The following GPA33 variants were observed in gnomAD, a reference collection of about 807,000 sequenced individuals.
The protein encoded by GPA33 is cell surface A33 antigen.
GPA33 carries 27 observed loss-of-function variants against 35.6 expected under a neutral mutation model. The observed-to-expected ratio is 0.76, with a 90% confidence interval of 0.56 to 1.04. The LOEUF (loss-of-function observed/expected upper bound fraction) is 1.04. GPA33 is among the 50% of genes least tolerant of loss of function. GPA33 has a pLI of 0.00. For synonymous variants in GPA33, 176 were observed against 164.0 expected (o/e 1.07, Z -0.56); for missense variants, 428 against 411.9 (o/e 1.04, Z -0.34).
intron 1 of GPA33, among the ~76,000 whole-genome samples, chr1:167,080,989 G>A (rs1046151101): frequency 3.9e-5 from 6 of 152,174 alleles, no homozygotes; most frequent in Admixed American, 3.3e-4. Context: ...GACCAAAGGA[G>A]CCCCAGAGAT....
intron 1 of GPA33, among the ~76,000 whole-genome samples, chr1:167,073,760 G>A (rs551509161): frequency 6.6e-6 from 1 of 152,246 alleles, no homozygotes; most frequent in South Asian, 2.1e-4. Flanking sequence ...CCACCCCACA[G>A]CATGATGAAT....
At position 167,062,849 on chromosome 1, in the gene GPA33, C is replaced by A. The variant is rs1237597087; in HGVS notation, c.571+733G>T. ...CTGGGGCAGCGGGGGTCCGTGACGG[C>A]TGAGAGGGACCGGCCTGGATAAGGA... is the stretch of plus-strand genomic sequence containing the variant. On this transcript the variant is annotated intron_variant, in intron 4 of 6. Coordinates refer to ENST00000367868, the MANE Select transcript of GPA33 (RefSeq NM_005814.3). Among the ~76,000 whole-genome samples, 3 of 151,918 alleles carry A rather than the reference C, an allele frequency of 2.0e-5. No individual in the cohort carries two copies. The East Asian group carries it at 5.8e-4, about 30-fold the overall frequency.
intron 3 of GPA33, among the ~76,000 whole-genome samples, chr1:167,067,614 C>T (rs1343075877): frequency 1.3e-5 from 2 of 151,954 alleles, no homozygotes; most frequent in Non-Finnish European, 2.9e-5. Flanking sequence ...TACATATGTA[C>T]GTGTGTGTAT....
At chr1:167,060,934 C>T (rs1359949308) in intron 4 of GPA33, among the ~76,000 whole-genome samples, 2 of 152,250 alleles carry the variant, frequency 1.3e-5, no homozygotes, top group African/African-American at 4.8e-5. Context: ...GCCTCCTCAT[C>T]CTTGAGGACC....
intron 3 of GPA33, among the ~76,000 whole-genome samples, chr1:167,064,780 A>T (rs2102180570): frequency 6.6e-6 from 1 of 152,284 alleles, no homozygotes; most frequent in East Asian, 1.9e-4. Flanking sequence ...TGCTTTGCAG[A>T]TAACGTGCAG....
intron 3 of GPA33, among the ~76,000 whole-genome samples, chr1:167,065,606 C>T (rs1307700480): frequency 6.6e-6 from 1 of 152,146 alleles, no homozygotes; most frequent in African/African-American, 2.4e-5. Flanking sequence ...ATTCTGATCT[C>T]GGCCCCACCC....
intron 2 of GPA33, among the ~76,000 whole-genome samples, chr1:167,070,932 G>C (rs892588953): frequency 2.0e-5 from 3 of 152,132 alleles, no homozygotes; most frequent in Non-Finnish European, 2.9e-5. Flanking sequence ...CACAAAGGAA[G>C]GGAATGTTTT....
At chr1:167,088,249 G>A (rs1291639205) in intron 1 of GPA33, among the ~76,000 whole-genome samples, 6 of 152,190 alleles carry the variant, frequency 3.9e-5, no homozygotes, top group Non-Finnish European at 7.3e-5. Context: ...TCCCTTACCT[G>A]CGCAAAGGAA....
intron 1 of GPA33, among the ~76,000 whole-genome samples, chr1:167,087,229 A>G (rs6427058): frequency 0.39 from 58,936 of 151,866 alleles, 12,044 homozygotes; most frequent in East Asian, 0.72. Context: ...GCTCTCGGAT[A>G]ATTGGTCACC....
intron 1 of GPA33, among the ~76,000 whole-genome samples, chr1:167,085,984 C>G (rs1006873642): frequency 1.3e-5 from 2 of 152,234 alleles, no homozygotes; most frequent in Non-Finnish European, 2.9e-5. Context: ...CCAGGTGACT[C>G]TGATGGGCAA....
At chr1:167,069,818 G>A (rs1326147114) in intron 2 of GPA33, among the ~76,000 whole-genome samples, 1 of 152,242 alleles carries the variant, frequency 6.6e-6, no homozygotes, top group African/African-American at 2.4e-5. Flanking sequence ...GAGAATTACA[G>A]TAGTAATATA....
chr1:167,074,402 C>G (rs1419049592), intron 1 of GPA33, among the ~76,000 whole-genome samples: 1 of 152,010 alleles, frequency 6.6e-6, no homozygotes, highest in East Asian at 1.9e-4. Flanking sequence ...GTTTGGGACA[C>G]CAACTGAGGT....
chr1:167,088,391 C>T (rs1667095501), intron 1 of GPA33, among the ~76,000 whole-genome samples: 1 of 152,156 alleles, frequency 6.6e-6, no homozygotes, highest in African/African-American at 2.4e-5. Context: ...GTTTATATAC[C>T]TCAAGTCGAC....
At chr1:167,072,364 C>T (rs914403919) in intron 2 of GPA33, among the ~76,000 whole-genome samples, 1 of 151,998 alleles carries the variant, frequency 6.6e-6, no homozygotes, top group African/African-American at 2.4e-5. Flanking sequence ...GATGTTTTTT[C>T]GCTTATCAGA....
chr1:167,090,235 G>A lies in GPA33; in HGVS notation c.43+10C>T. On this transcript the variant is annotated intron_variant, in intron 1 of 6. Coordinates refer to ENST00000367868, the MANE Select transcript of GPA33 (RefSeq NM_005814.3). The stretch of plus-strand genomic sequence containing the variant: ...CCCCTGGGCACTGGAGAGAAAAGGG[G>A]CCTACTCACCTGCACAGAGTGTCCA... The A allele has an allele frequency of 1.2e-6, 2 of 1,606,070 alleles. No individual in the cohort carries two copies. Among genetic ancestry groups the A allele is most frequent in the Non-Finnish European group, 1.7e-6 (2 of 1,172,652 alleles).
At chr1:167,056,258 T>G (rs1404287376) in intron 4 of GPA33, among the ~76,000 whole-genome samples, 2 of 152,346 alleles carry the variant, frequency 1.3e-5, no homozygotes, top group South Asian at 4.1e-4. Context: ...GGAAACATAA[T>G]GCACATTATG....
intron 2 of GPA33, among the ~76,000 whole-genome samples, chr1:167,070,349 C>G (rs922511073): frequency 3.3e-5 from 5 of 152,160 alleles, no homozygotes; most frequent in African/African-American, 9.7e-5. Context: ...GTGCTAGGTA[C>G]TAGCCTATGC....
Position 167,063,690 on chromosome 1 carries a change from C to T in GPA33, c.463G>A (p.Gly155Arg). Residue 155 changes from glycine (G) to arginine (R), a missense_variant, in exon 4 of 7, where the codon GGG becomes AGG. Gly to Arg is a moderately radical substitution (Grantham distance 125, BLOSUM62 -2). Transcript: ENST00000367868. Reference sequence around the variant, plus strand: ...TGGCAGGTCAGCTGGATGTTGTTCCCAATTATGGTCTCTCCCTCGATGCCG... The same window carrying T: ...TGGCAGGTCAGCTGGATGTTGTTCCTAATTATGGTCTCTCCCTCGATGCCG... ...ECGIEGETII[G>R]NNIQLTCQSK... 3 of 1,613,620 alleles carry T rather than the reference C, an allele frequency of 1.9e-6. No homozygotes were observed.
intron 4 of GPA33, among the ~76,000 whole-genome samples, chr1:167,062,394 A>C (rs1666476135): frequency 6.6e-6 from 1 of 151,058 alleles, no homozygotes; most frequent in East Asian, 2.0e-4. Flanking sequence ...TTTTTTAAAA[A>C]TTTTGTTTGG....
Sources: gnomAD v4.1 joint callset for allele counts (sites outside exome capture counted in the v4.1 genomes callset) on GRCh38, gnomAD v4.1.1 for gene constraint, MANE v1.5 for transcripts, NCBI Gene and HGNC (gene_info 2026-07-23, HGNC 2026-07-21) for gene names.